Variants in SPINK5 observed in about 807,000 individuals in gnomAD.
SPINK5 encodes the protein serine protease inhibitor Kazal-type 5.
In SPINK5, 125 loss-of-function variants were observed where a neutral mutation model predicts 151.8. The ratio of observed to expected loss-of-function variants is 0.82; its 90% CI spans 0.71 to 0.96. The LOEUF is 0.96. SPINK5 is among the 40% of genes least tolerant of loss of function. The pLI, the probability that SPINK5 is intolerant of heterozygous loss-of-function variation, is 0.00. For synonymous variants in SPINK5, 374 were observed against 395.3 expected, an observed-to-expected ratio of 0.95 and a Z score of 0.64; for missense variants, 1,194 against 1,291.9, an observed-to-expected ratio of 0.92 and a Z score of 1.16.
intron 15 of SPINK5, among the ~76,000 whole-genome samples, chr5:148,102,902 G>A (rs139855494): frequency 4.5e-4 from 68 of 152,094 alleles, no homozygotes; most frequent in African/African-American, 1.6e-3. Flanking sequence ...CTATTGATAG[G>A]GTGCCTAAAA....
intron 4 of SPINK5, among the ~76,000 whole-genome samples, chr5:148,077,225 G>T (rs1370394752): frequency 6.7e-6 from 1 of 150,070 alleles, no homozygotes; most frequent in Non-Finnish European, 1.5e-5. Flanking sequence ...TTAGAAAGTG[G>T]CAAGAGAAAA....
intron 2 of SPINK5, among the ~76,000 whole-genome samples, chr5:148,068,334 T>A (rs1242964386): frequency 6.6e-6 from 1 of 152,054 alleles, no homozygotes; most frequent in African/African-American, 2.4e-5. Flanking sequence ...TTGCAAGTGC[T>A]ACCAACTGCC....
chr5:148,125,092 T>C (rs1246557655), intron 28 of SPINK5, among the ~76,000 whole-genome samples: 1 of 152,172 alleles, frequency 6.6e-6, no homozygotes. Flanking sequence ...GGGAGAAATA[T>C]GGATTGAAAA....
Position 148,094,443 on chromosome 5 carries a change from G to C in SPINK5, c.756G>C (p.Arg252Ser). Residue 252 changes from arginine (R) to serine (S), a missense_variant, in exon 9 of 33, where the codon AGG becomes AGC. Arg to Ser is a moderately radical substitution (Grantham distance 110). Transcript: ENST00000256084. ...ESDPVRGPDG[R>S]MHGNKCALCA... ...ATCCAGTCCGTGGCCCTGACGGCAGGATGCATGGCAACAAATGTGCCCTGT... is the reference window on the plus strand; with the variant it reads ...ATCCAGTCCGTGGCCCTGACGGCAGCATGCATGGCAACAAATGTGCCCTGT... 6.2e-7 allele frequency: 1 copy of C among 1,612,804 alleles called. No homozygotes were observed. Among genetic ancestry groups the C allele is most frequent in the Non-Finnish European group, 8.5e-7 (1 of 1,179,118 alleles).
At chr5:148,078,106 G>A (rs765533937) in intron 4 of SPINK5, among the ~76,000 whole-genome samples, 37 of 150,888 alleles carry the variant, frequency 2.5e-4, no homozygotes, top group Non-Finnish European at 4.8e-4. Context: ...ATAACAGATC[G>A]GTACCATGCT....
intron 16 of SPINK5, 144 bp downstream of exon 16, chr5:148,105,144 G>T: frequency 2.2e-6 from 2 of 910,170 alleles, no homozygotes; most frequent in African/African-American, 1.7e-5. Flanking sequence ...GAACAAAAAG[G>T]GTCCTGATAA....
intron 18 of SPINK5, among the ~76,000 whole-genome samples, chr5:148,110,013 G>A (rs556565585): frequency 6.6e-5 from 10 of 152,180 alleles, no homozygotes; most frequent in African/African-American, 2.2e-4. Context: ...TTTCTATCAC[G>A]TGGTCACAAA....
intron 21 of SPINK5, 55 bp downstream of exon 21, chr5:148,114,544 A>C: frequency 6.2e-7 from 1 of 1,608,356 alleles, no homozygotes; most frequent in Non-Finnish European, 8.5e-7. Flanking sequence ...GGAAGCAATG[A>C]GCCAGGCAAA....
At chr5:148,136,920 A>G in intron 32 of SPINK5, 63 bp from the exon 33 acceptor site, 1 of 1,595,690 alleles carries the variant, frequency 6.3e-7, no homozygotes, top group Non-Finnish European at 8.6e-7. Flanking sequence ...CTATAAATAT[A>G]CAGCCCACAT....
Position 148,123,835 on chromosome 5 carries a change from T to A in SPINK5, c.2541T>A (p.Asp847Glu), listed in dbSNP as rs1317622467. 1.2e-6 allele frequency: 2 copies of A among 1,613,826 alleles called. No individual in the cohort carries two copies. Among genetic ancestry groups the A allele is most frequent in the African/African-American group, 2.7e-5 (2 of 74,860 alleles). ...ACTTTTTCTGCTACTGTTGGTAGGATCTGTGTCGTGAATTTCGAAGCATGC... is the reference window on the plus strand; with the variant it reads ...ACTTTTTCTGCTACTGTTGGTAGGAACTGTGTCGTGAATTTCGAAGCATGC... Reference protein sequence around the residue: ...NTGERSNDKEDLCREFRSMQR... With the variant: ...NTGERSNDKEELCREFRSMQR... Residue 847 changes from aspartate (D) to glutamate (E), a missense_variant and splice_region_variant, in exon 27 of 33, where the codon GAT (aspartate) becomes GAA (glutamate). Physicochemically the swap from Asp to Glu is conservative, Grantham distance 45 (BLOSUM62 2). Coordinates refer to ENST00000256084, the MANE Select transcript of SPINK5 (RefSeq NM_006846.4).
At chr5:148,079,365 T>C (rs1752962318) in intron 4 of SPINK5, among the ~76,000 whole-genome samples, 1 of 151,174 alleles carries the variant, frequency 6.6e-6, no homozygotes, top group Admixed American at 6.6e-5. Flanking sequence ...ATGAATTCTT[T>C]ACAGATTCAT....
At chr5:148,085,530 A>G (rs1753130085) in intron 4 of SPINK5, among the ~76,000 whole-genome samples, 1 of 151,928 alleles carries the variant, frequency 6.6e-6, no homozygotes, top group African/African-American at 2.4e-5. Context: ...CAAATCTGGA[A>G]TGTAGGTAGG....
chr5:148,109,208 A>G (rs1411787024), intron 18 of SPINK5, among the ~76,000 whole-genome samples: 1 of 152,188 alleles, frequency 6.6e-6, no homozygotes, highest in African/African-American at 2.4e-5. Flanking sequence ...AACAGCAACA[A>G]CTAGGGATCC....
chr5:148,086,307 A>C, intron 4 of SPINK5, 98 bp from the exon 5 acceptor site: 3 of 1,479,130 alleles, frequency 2.0e-6, no homozygotes, highest in Non-Finnish European at 2.7e-6. Flanking sequence ...TTCTCCAGCA[A>C]TTTACATTAT....
intron 9 of SPINK5, 61 bp downstream of exon 9, chr5:148,094,542 T>C (rs1211993352): frequency 3.4e-5 from 54 of 1,609,798 alleles, no homozygotes; most frequent in African/African-American, 5.4e-5. Flanking sequence ...ATTGATTGGA[T>C]TGATGAGTAA....
intron 30 of SPINK5, among the ~76,000 whole-genome samples, chr5:148,130,486 T>C (rs1754543256): frequency 6.6e-6 from 1 of 152,112 alleles, no homozygotes. Context: ...AATACTTTTT[T>C]TATATTTTGG....
At chr5:148,133,696 T>C (rs1397291220) in intron 31 of SPINK5, 101 bp from the exon 32 acceptor site, 15 of 1,076,888 alleles carry the variant, frequency 1.4e-5, no homozygotes, top group South Asian at 2.6e-5. Context: ...CTAAATACAG[T>C]TTGGTTTGAT....
chr5:148,132,693 T>TA (rs1315830500), intron 31 of SPINK5, among the ~76,000 whole-genome samples: 1 of 152,176 alleles, frequency 6.6e-6, no homozygotes, highest in African/African-American at 2.4e-5. Context: ...TCCACTAAAC[T>TA]ACTGTTATTT....
intron 29 of SPINK5, 119 bp downstream of exon 29, chr5:148,125,969 G>GA: frequency 6.8e-7 from 1 of 1,467,936 alleles, no homozygotes; most frequent in Non-Finnish European, 9.5e-7. Flanking sequence ...TAAGTCTTTA[G>GA]AATTAAAGCC....
Sources: allele counts gnomAD v4.1 joint callset (sites outside exome capture counted in the v4.1 genomes callset), GRCh38; gene constraint gnomAD v4.1.1; transcripts MANE v1.5; gene names NCBI Gene and HGNC (gene_info 2026-07-23, HGNC 2026-07-21).